Variants in RNF17 observed in about 807,000 individuals in gnomAD.
RNF17 encodes the protein spermatogenesis associated 23.
Under a neutral mutation model 200.5 loss-of-function variants are expected in RNF17, and 31 were observed. The observed-to-expected ratio is 0.15, with a 90% CI of 0.12 to 0.21. The LOEUF (loss-of-function observed/expected upper bound fraction) is 0.21. Ranked by LOEUF, RNF17 falls within the 10% of genes least tolerant of loss-of-function variation. The probability of loss-of-function intolerance (pLI) is 1.00; values close to 1 mark genes in which losing one functional copy is unlikely to be tolerated. For synonymous variants in RNF17, 606 were observed against 637.8 expected, an observed-to-expected ratio of 0.95 and a Z score of 0.75; for missense variants, 1,628 against 1,905.1, an observed-to-expected ratio of 0.85 and a Z score of 2.71.
At chr13:24,764,099 C>A, upstream of RNF17, 1 of 1,117,794 alleles carries the variant, frequency 8.9e-7, no homozygotes, top group Non-Finnish European at 1.3e-6. Context: ...AATCTCCCGG[C>A]CCACTGTTTG....
Position 24,870,608 on chromosome 13 carries a change from A to G in RNF17, c.4316A>G (p.Gln1439Arg), listed in dbSNP as rs758991163. The G allele has an allele frequency of 2.5e-6, 4 of 1,613,984 alleles. No individual in the cohort carries two copies. The Admixed American group carries it at 5.0e-5, about 20-fold the overall frequency. The change falls in exon 32 of 36, where the codon CAG becomes CGG. Residue 1439 changes from glutamine (Q) to arginine (R), a missense_variant. Around this residue, in one of 5 missense-constraint regions of RNF17, gnomAD observed 609 missense variants for 681.9 expected, o/e 0.89. Coordinates refer to ENST00000255324, the MANE Select transcript of RNF17 (RefSeq NM_031277.3). Reference sequence around the variant, plus strand: ...CTTGATTCTATAGAAACTTCTAACCAGTCTAACCAGCATAGTGACACAGAT... The same window carrying G: ...CTTGATTCTATAGAAACTTCTAACCGGTCTAACCAGCATAGTGACACAGAT... ...ICLDSIETSN[Q>R]SNQHSDTDDS...
rs571804157 is a variant in RNF17 at position 24,772,406 on chromosome 13, G to A, written c.226-2407G>A. Among the ~76,000 whole-genome samples the A allele has an allele frequency of 1.1e-4, 16 of 147,732 alleles. No homozygotes were observed. The South Asian group carries it at 3.4e-3, about 32-fold the overall frequency. ...TTAGGACATTCAGTCTTTCTCTCCA[G>A]GAACCTGGTTTGAGTCTCCATTTTT... On this transcript the variant is annotated intron_variant, in intron 2 of 35. Transcript: ENST00000255324.
chr13:24,769,205 T>A (rs1662037151), intron 2 of RNF17, among the ~76,000 whole-genome samples: 1 of 152,062 alleles, frequency 6.6e-6, no homozygotes, highest in South Asian at 2.1e-4. Context: ...AAAAAAGACT[T>A]GGCAAATGAT....
chr13:24,794,583 G>T (rs1884304850), intron 10 of RNF17, among the ~76,000 whole-genome samples: 1 of 152,116 alleles, frequency 6.6e-6, no homozygotes, highest in Admixed American at 6.6e-5. Context: ...GCTGAGGTGG[G>T]AGGATCACTT....
chr13:24,824,616 TAAGAG>T (rs376726078), intron 15 of RNF17, among the ~76,000 whole-genome samples: 9 of 152,308 alleles, frequency 5.9e-5, no homozygotes, highest in African/African-American at 2.2e-4. Context: ...CACCATTTAA[TAAGAG>T]AAAAGTCTGT....
intron 15 of RNF17, among the ~76,000 whole-genome samples, chr13:24,805,194 G>GCGA (rs1216717164): frequency 1.3e-5 from 2 of 152,082 alleles, no homozygotes; most frequent in African/African-American, 4.8e-5. Context: ...ATTTTTTACA[G>GCGA]CGTCTTTTAT....
At chr13:24,841,118 A>G (rs138998385) in intron 18 of RNF17, among the ~76,000 whole-genome samples, 19 of 152,320 alleles carry the variant, frequency 1.2e-4, no homozygotes, top group Admixed American at 9.2e-4. Context: ...TCCCTGTGCA[A>G]AGTACCATAA....
At chr13:24,772,394 T>C (rs1462150499) in intron 2 of RNF17, among the ~76,000 whole-genome samples, 1 of 151,528 alleles carries the variant, frequency 6.6e-6, no homozygotes, top group East Asian at 1.9e-4. Context: ...GGACATTCAG[T>C]CTTTCTCTCC....
chr13:24,814,431 G>A (rs1887144562), intron 15 of RNF17, among the ~76,000 whole-genome samples: 2 of 152,026 alleles, frequency 1.3e-5, no homozygotes, highest in South Asian at 4.2e-4. Context: ...TTGTGCTTTT[G>A]GTGTCATATC....
chr13:24,815,930 A>G (rs141213958), intron 15 of RNF17, among the ~76,000 whole-genome samples: 315 of 152,210 alleles, frequency 2.1e-3, no homozygotes, highest in African/African-American at 7.2e-3. Flanking sequence ...GGTCTCCCTC[A>G]GTTGCCCAGG....
downstream of RNF17, among the ~76,000 whole-genome samples, chr13:24,881,377 GTGATCTGCCAACT>G (rs1953809589): frequency 6.6e-6 from 1 of 152,030 alleles, no homozygotes; most frequent in Non-Finnish European, 1.5e-5. Context: ...CTGACCTCAA[GTGATCTGCCAACT>G]TTGGCCTCCC....
intron 18 of RNF17, among the ~76,000 whole-genome samples, chr13:24,836,672 A>G (rs1890029562): frequency 1.3e-5 from 2 of 152,208 alleles, no homozygotes; most frequent in Non-Finnish European, 2.9e-5. Context: ...AGAATTCGCC[A>G]TTACCAAGCC....
chr13:24,880,641 T>C (rs541023017), downstream of RNF17, among the ~76,000 whole-genome samples: 1 of 152,340 alleles, frequency 6.6e-6, no homozygotes, highest in South Asian at 2.1e-4. Flanking sequence ...TATCCTGATA[T>C]TCCATTACCA....
intron 25 of RNF17, among the ~76,000 whole-genome samples, chr13:24,854,535 A>T (rs888521062): frequency 6.6e-6 from 1 of 152,072 alleles, no homozygotes; most frequent in Admixed American, 6.6e-5. Flanking sequence ...TCCAAAACAA[A>T]CTGAAATCAC....
intron 17 of RNF17, among the ~76,000 whole-genome samples, chr13:24,831,445 GA>G (rs917192030): frequency 1.3e-5 from 2 of 151,428 alleles, no homozygotes; most frequent in African/African-American, 4.9e-5. Context: ...CGGTCTCAAA[GA>G]AAAAAAACAA....
chr13:24,862,399 A>T (rs1893188773), intron 27 of RNF17, among the ~76,000 whole-genome samples: 1 of 152,204 alleles, frequency 6.6e-6, no homozygotes, highest in Non-Finnish European at 1.5e-5. Context: ...CAAGCACTGC[A>T]TTGGCATATT....
At chr13:24,835,640 G>T (rs1281145204) in intron 18 of RNF17, among the ~76,000 whole-genome samples, 1 of 152,124 alleles carries the variant, frequency 6.6e-6, no homozygotes, top group Non-Finnish European at 1.5e-5. Flanking sequence ...TGCATCAGGG[G>T]AACACCCCAT....
intron 6 of RNF17, 50 bp from the exon 7 acceptor site, chr13:24,787,938 T>C (rs1417918878): frequency 1.4e-6 from 2 of 1,416,852 alleles, no homozygotes; most frequent in Non-Finnish European, 1.9e-6. Context: ...CGACTTTTTC[T>C]ATAAATATTT....
At chr13:24,852,206 T>G (rs1385684597) in intron 24 of RNF17, among the ~76,000 whole-genome samples, 2 of 148,706 alleles carry the variant, frequency 1.3e-5, no homozygotes, top group Non-Finnish European at 3.0e-5. Context: ...TGGCGCAATC[T>G]CGGCTCACTG....
Sources: allele counts gnomAD v4.1 joint callset (sites outside exome capture counted in the v4.1 genomes callset), GRCh38; gene constraint gnomAD v4.1.1; regional missense constraint gnomAD v4.1.1; transcripts MANE v1.5; gene names NCBI Gene and HGNC (gene_info 2026-07-23, HGNC 2026-07-21).